Variants in SENP7 observed in about 807,000 individuals in gnomAD.
SENP7 encodes the protein sentrin-specific protease 7.
In SENP7, 64 loss-of-function variants were observed where a neutral mutation model predicts 141.2. The observed-to-expected ratio is 0.45, with a 90% CI of 0.37 to 0.56. The LOEUF is 0.56. Ranked by LOEUF, SENP7 falls within the 20% of genes least tolerant of loss-of-function variation. The probability of loss-of-function intolerance (pLI) is 0.00; values close to 1 mark genes in which losing one functional copy is unlikely to be tolerated. For synonymous variants in SENP7, 382 were observed against 426.4 expected, an observed-to-expected ratio of 0.90 and a Z score of 1.28; for missense variants, 1,025 against 1,212.2, an observed-to-expected ratio of 0.85 and a Z score of 2.29.
chr3:101,463,829 T>C (rs1186389487), intron 3 of SENP7, among the ~76,000 whole-genome samples: 1 of 152,106 alleles, frequency 6.6e-6, no homozygotes, highest in Non-Finnish European at 1.5e-5. Flanking sequence ...TTCATTCATT[T>C]ATTTATTTAT....
chr3:101,488,918 A>T (rs555254187), intron 3 of SENP7, among the ~76,000 whole-genome samples: 1 of 152,332 alleles, frequency 6.6e-6, no homozygotes, highest in East Asian at 1.9e-4. Flanking sequence ...GAGAAGGGTC[A>T]GGTCATGTAC....
At chr3:101,406,211 T>G (rs2061298502) in intron 5 of SENP7, among the ~76,000 whole-genome samples, 1 of 152,086 alleles carries the variant, frequency 6.6e-6, no homozygotes, top group Non-Finnish European at 1.5e-5. Flanking sequence ...TAGATTGGAT[T>G]AAAAAATGTG....
chr3:101,483,880 G>C (rs2064609922), intron 3 of SENP7, among the ~76,000 whole-genome samples: 1 of 152,078 alleles, frequency 6.6e-6, no homozygotes, highest in South Asian at 2.1e-4. Flanking sequence ...AAATTAGCCA[G>C]GTCCAGACAT....
At chr3:101,352,714 C>T (rs968738527) in intron 11 of SENP7, among the ~76,000 whole-genome samples, 3 of 151,870 alleles carry the variant, frequency 2.0e-5, no homozygotes, top group Admixed American at 6.6e-5. Context: ...TTGATCAAAT[C>T]GGGTATGGTC....
chr3:101,511,433 CTG>C (rs777842949), intron 1 of SENP7, among the ~76,000 whole-genome samples: 4 of 152,186 alleles, frequency 2.6e-5, no homozygotes, highest in Non-Finnish European at 1.5e-5. Flanking sequence ...ACCTAAAGTT[CTG>C]TGTTAGGAAG....
Position 101,327,778 on chromosome 3 carries a change from T to C in SENP7, c.2903A>G (p.His968Arg), listed in dbSNP as rs895867475. 3 of 1,610,846 alleles carry C rather than the reference T, an allele frequency of 1.9e-6. No individual in the cohort carries two copies. Among genetic ancestry groups the C allele is most frequent in the Non-Finnish European group, 2.5e-6 (3 of 1,178,144 alleles). Residue 968 changes from histidine to arginine, a missense_variant, in exon 23 of 24, where the codon CAT (histidine) becomes CGT (arginine). This residue lies in a region of SENP7 where 295 missense variants were observed against 459.1 expected (regional missense o/e 0.64). Transcript: ENST00000394095. ...CATGTTTGTTTTGCTGAATTGACGA[T>C]GAGTTTTTAGTTTAACTTCCCACTC... ...EVEWEVKLKT[H>R]RQFSKTNMVD...
intron 2 of SENP7, among the ~76,000 whole-genome samples, chr3:101,498,776 C>G (rs1360922687): frequency 2.0e-5 from 3 of 152,162 alleles, no homozygotes; most frequent in African/African-American, 7.2e-5. Flanking sequence ...CTGCACTACC[C>G]CTCCTGTCAG....
chr3:101,353,853 C>G (rs2059670788), intron 11 of SENP7, among the ~76,000 whole-genome samples: 1 of 151,902 alleles, frequency 6.6e-6, no homozygotes. Flanking sequence ...AGAGTCAGAA[C>G]AGTATCTCCA....
chr3:101,359,872 G>A (rs1302293901), intron 11 of SENP7, among the ~76,000 whole-genome samples: 2 of 151,742 alleles, frequency 1.3e-5, no homozygotes, highest in Non-Finnish European at 2.9e-5. Context: ...CTTGATCTTG[G>A]TTTTTGAGCA....
chr3:101,457,672 T>G, intron 4 of SENP7: 1 of 1,394,380 alleles, frequency 7.2e-7, no homozygotes, highest in Non-Finnish European at 1.0e-6. Flanking sequence ...TTCCCACCAA[T>G]GCACACTTGT....
At chr3:101,424,167 C>A (rs2061877052) in intron 4 of SENP7, among the ~76,000 whole-genome samples, 1 of 152,114 alleles carries the variant, frequency 6.6e-6, no homozygotes, top group Non-Finnish European at 1.5e-5. Flanking sequence ...TGTCTACTTG[C>A]AGGGCAGCAT....
chr3:101,416,899 A>G (rs1394283197), intron 5 of SENP7, among the ~76,000 whole-genome samples: 4 of 152,190 alleles, frequency 2.6e-5, no homozygotes, highest in African/African-American at 9.6e-5. Flanking sequence ...AAAATAAAGT[A>G]CCTTCCCTCC....
chr3:101,412,898 T>G (rs2061495210), intron 5 of SENP7, among the ~76,000 whole-genome samples: 2 of 152,146 alleles, frequency 1.3e-5, no homozygotes, highest in Non-Finnish European at 2.9e-5. Flanking sequence ...TACTGCTAGT[T>G]TGATATTTCT....
intron 4 of SENP7, among the ~76,000 whole-genome samples, chr3:101,440,805 T>C (rs1186057250): frequency 6.6e-6 from 1 of 152,148 alleles, no homozygotes; most frequent in Non-Finnish European, 1.5e-5. Context: ...AAGAATATTA[T>C]AAATCAGATC....
rs192448847 is a variant in SENP7 at position 101,408,015 on chromosome 3, A to T, written c.483-8960T>A. 1.2e-4 allele frequency among the ~76,000 whole-genome samples: 19 copies of T among 152,296 alleles called. No homozygotes were observed. In the East Asian group the frequency reaches 3.7e-3, roughly 29 times the overall value. On this transcript the variant is annotated intron_variant, in intron 5 of 23. Coordinates refer to ENST00000394095, the MANE Select transcript of SENP7 (RefSeq NM_020654.5). ...AAGCTGGTTTTCTGAAAAGAGAAAT[A>T]AAATTGATAGACCATTAGCAATATT...
intron 11 of SENP7, among the ~76,000 whole-genome samples, chr3:101,353,905 A>C (rs901221752): frequency 6.6e-6 from 1 of 151,962 alleles, no homozygotes. Flanking sequence ...TAGTCACTGA[A>C]TATATGGAGA....
intron 5 of SENP7, among the ~76,000 whole-genome samples, chr3:101,415,633 A>G (rs1279114516): frequency 2.0e-5 from 3 of 152,216 alleles, no homozygotes; most frequent in South Asian, 2.1e-4. Context: ...CACAACTAAG[A>G]CAAACCCCTG....
At chr3:101,443,037 T>C (rs2062742389) in intron 4 of SENP7, among the ~76,000 whole-genome samples, 1 of 152,356 alleles carries the variant, frequency 6.6e-6, no homozygotes, top group Non-Finnish European at 1.5e-5. Context: ...GCCTATGTCC[T>C]GAATGGTAAT....
chr3:101,464,576 C>G (rs1189122070), intron 3 of SENP7, among the ~76,000 whole-genome samples: 2 of 151,988 alleles, frequency 1.3e-5, no homozygotes, highest in Non-Finnish European at 2.9e-5. Flanking sequence ...CTGTTACTGT[C>G]TCCCATCACC....
Sources: allele counts gnomAD v4.1 joint callset (sites outside exome capture counted in the v4.1 genomes callset), GRCh38; gene constraint gnomAD v4.1.1; regional missense constraint gnomAD v4.1.1; transcripts MANE v1.5; gene names NCBI Gene and HGNC (gene_info 2026-07-23, HGNC 2026-07-21).